ZCCHC7: variants seen among roughly 807,000 people sequenced by gnomAD.
ZCCHC7 encodes the protein zinc finger CCHC domain-containing protein 7.
ZCCHC7 carries 35 observed loss-of-function variants against 52.0 expected under a neutral mutation model. That is an observed-to-expected ratio of 0.67 (90% CI 0.51 to 0.89). The LOEUF (loss-of-function observed/expected upper bound fraction) is 0.89. Among genes scored for constraint, ZCCHC7 ranks in the 40% least tolerant of loss-of-function variants. ZCCHC7 has a pLI of 0.00. For synonymous variants in ZCCHC7, 217 were observed against 221.5 expected (o/e 0.98, Z 0.18); for missense variants, 574 against 649.1 (o/e 0.88, Z 1.26).
chr9:37,131,773 A>G (rs1159984322), intron 2 of ZCCHC7, among the ~76,000 whole-genome samples: 7 of 151,280 alleles, frequency 4.6e-5, no homozygotes, highest in African/African-American at 1.7e-4. Flanking sequence ...CACTTTTCTG[A>G]TTTTGTGATT....
chr9:37,140,985 GA>G (rs1040786984), intron 2 of ZCCHC7, among the ~76,000 whole-genome samples: 5 of 151,864 alleles, frequency 3.3e-5, no homozygotes, highest in East Asian at 1.9e-4. Context: ...TGATTAAAAG[GA>G]AAAAAATTTA....
intron 2 of ZCCHC7, among the ~76,000 whole-genome samples, chr9:37,175,713 C>T (rs1025404733): frequency 1.3e-5 from 2 of 152,102 alleles, no homozygotes; most frequent in African/African-American, 4.8e-5. Context: ...TGTACTCCAG[C>T]CTGGACAACA....
intron 2 of ZCCHC7, among the ~76,000 whole-genome samples, chr9:37,295,793 A>G (rs962150360): frequency 2.0e-5 from 3 of 152,220 alleles, no homozygotes; most frequent in African/African-American, 7.2e-5. Context: ...AAGAAAAGAC[A>G]TGGCTAGAGA....
chr9:37,180,241 CTG>C (rs755980619), intron 2 of ZCCHC7, among the ~76,000 whole-genome samples: 3 of 152,030 alleles, frequency 2.0e-5, no homozygotes, highest in Non-Finnish European at 4.4e-5. Context: ...GCTAATTGGT[CTG>C]TTTATGTTTT....
intron 2 of ZCCHC7, among the ~76,000 whole-genome samples, chr9:37,164,460 GA>G (rs1821297795): frequency 6.9e-6 from 1 of 145,500 alleles, no homozygotes; most frequent in African/African-American, 2.6e-5. Context: ...TAGATAGATA[GA>G]TAGATAGATA....
chr9:37,200,138 T>C (rs185255365), intron 2 of ZCCHC7, among the ~76,000 whole-genome samples: 140 of 152,344 alleles, frequency 9.2e-4, no homozygotes, highest in African/African-American at 3.1e-3. Flanking sequence ...TAATCCTTTG[T>C]GTTTTCTCTG....
chr9:37,213,032 C>G (rs1319469375), intron 2 of ZCCHC7, among the ~76,000 whole-genome samples: 1 of 152,162 alleles, frequency 6.6e-6, no homozygotes, highest in African/African-American at 2.4e-5. Flanking sequence ...GAACTCTTCG[C>G]TTAGATATTC....
At chr9:37,196,925 A>T (rs1342063514) in intron 2 of ZCCHC7, among the ~76,000 whole-genome samples, 1 of 152,172 alleles carries the variant, frequency 6.6e-6, no homozygotes, top group East Asian at 1.9e-4. Flanking sequence ...TGTATTAATG[A>T]CAACATTAGG....
At chr9:37,318,469 A>G (rs1290796783) in intron 5 of ZCCHC7, among the ~76,000 whole-genome samples, 1 of 151,626 alleles carries the variant, frequency 6.6e-6, no homozygotes, top group Non-Finnish European at 1.5e-5. Context: ...CTCAAAAAAT[A>G]TATATATTTT....
At chr9:37,288,312 A>C (rs976515709) in intron 2 of ZCCHC7, among the ~76,000 whole-genome samples, 5 of 142,370 alleles carry the variant, frequency 3.5e-5, no homozygotes, top group Admixed American at 1.4e-4. Context: ...ATCTATCTAT[A>C]TAGATAGATA....
intron 2 of ZCCHC7, among the ~76,000 whole-genome samples, chr9:37,236,412 AT>A (rs201501587): frequency 4.8e-5 from 7 of 146,678 alleles, no homozygotes; most frequent in Non-Finnish European, 7.5e-5. Context: ...GTGCTATCAG[AT>A]TTTTTTTTTG....
At chr9:37,303,072 C>T (rs981682593) in intron 3 of ZCCHC7, among the ~76,000 whole-genome samples, 1 of 152,174 alleles carries the variant, frequency 6.6e-6, no homozygotes, top group African/African-American at 2.4e-5. Flanking sequence ...CATTCCCTAA[C>T]TCAAAATTTA....
intron 2 of ZCCHC7, among the ~76,000 whole-genome samples, chr9:37,274,536 A>C (rs1827591747): frequency 6.6e-6 from 1 of 151,550 alleles, no homozygotes; most frequent in African/African-American, 2.4e-5. Context: ...ATGGGGTTTC[A>C]CTATGTTGGC....
intron 2 of ZCCHC7, among the ~76,000 whole-genome samples, chr9:37,158,398 T>TGAAGCAAAAGGAGGA (rs1820925745): frequency 1.3e-5 from 2 of 151,978 alleles, no homozygotes; most frequent in African/African-American, 4.8e-5. Flanking sequence ...ACTTGATGAG[T>TGAAGCAAAAGGAGGA]GAAGCAAAAG....
chr9:37,177,844 A>C (rs1467498177), intron 2 of ZCCHC7, among the ~76,000 whole-genome samples: 1 of 152,214 alleles, frequency 6.6e-6, no homozygotes, highest in African/African-American at 2.4e-5. Flanking sequence ...AAAAACAATG[A>C]AAGTCAGAGA....
intron 2 of ZCCHC7, among the ~76,000 whole-genome samples, chr9:37,264,768 T>C (rs1374433059): frequency 6.6e-6 from 1 of 152,222 alleles, no homozygotes; most frequent in East Asian, 1.9e-4. Context: ...TTATATTGCT[T>C]AGGCAACCTT....
At chr9:37,160,029 A>C (rs1322519973) in intron 2 of ZCCHC7, 2 of 152,206 alleles carry the variant, frequency 1.3e-5, no homozygotes, top group African/African-American at 4.8e-5. Flanking sequence ...CACCTTATTC[A>C]AACTACCACT....
At chr9:37,223,667 A>G (rs1488884382) in intron 2 of ZCCHC7, among the ~76,000 whole-genome samples, 1 of 152,200 alleles carries the variant, frequency 6.6e-6, no homozygotes, top group African/African-American at 2.4e-5. Flanking sequence ...TTACCACAGT[A>G]AAAGAGAAAA....
chr9:37,310,204 T>G (rs1453536091), intron 5 of ZCCHC7, among the ~76,000 whole-genome samples: 1 of 152,222 alleles, frequency 6.6e-6, no homozygotes, highest in Non-Finnish European at 1.5e-5. Context: ...CCTACTAAAG[T>G]CAACCTGCAT....
Sources: allele counts gnomAD v4.1 joint callset (sites outside exome capture counted in the v4.1 genomes callset), GRCh38; gene constraint gnomAD v4.1.1; transcripts MANE v1.5; gene names NCBI Gene and HGNC (gene_info 2026-07-23, HGNC 2026-07-21).